PDE1C: variants seen among roughly 807,000 people sequenced by gnomAD.
PDE1C encodes dual specificity calcium/calmodulin-dependent 3',5'-cyclic nucleotide phosphodiesterase 1C.
A neutral mutation model predicts 93.1 loss-of-function variants in PDE1C; 62 were observed. The ratio of observed to expected loss-of-function variants is 0.67; its 90% CI spans 0.54 to 0.82. The LOEUF (loss-of-function observed/expected upper bound fraction) is 0.82. PDE1C is among the 40% of genes least tolerant of loss of function. The probability of loss-of-function intolerance (pLI) is 0.00; values close to 1 mark genes in which losing one functional copy is unlikely to be tolerated. For synonymous variants in PDE1C, 325 were observed against 310.1 expected (o/e 1.05, Z -0.50); for missense variants, 742 against 884.6 (o/e 0.84, Z 2.04).
At chr7:32,235,573 T>C (rs569992473) in intron 1 of PDE1C, among the ~76,000 whole-genome samples, 1 of 152,074 alleles carries the variant, frequency 6.6e-6, no homozygotes, top group East Asian at 1.9e-4. Flanking sequence ...TCCCTCCCCA[T>C]GAAATACATA....
chr7:32,341,123 A>G, intron 1 of PDE1C, among the ~76,000 whole-genome samples: 1 of 150,554 alleles, frequency 6.6e-6, no homozygotes, highest in East Asian at 2.0e-4. Flanking sequence ...GGGACTCTGT[A>G]CTTTCTACTC....
chr7:32,066,059 G>A (rs1028560015), intron 1 of PDE1C, among the ~76,000 whole-genome samples: 2 of 152,186 alleles, frequency 1.3e-5, no homozygotes, highest in African/African-American at 4.8e-5. Context: ...TATGAGGTGG[G>A]AAATGGATCC....
At chr7:31,877,458 T>A (rs922345393) in intron 5 of PDE1C, among the ~76,000 whole-genome samples, 6 of 152,084 alleles carry the variant, frequency 3.9e-5, no homozygotes, top group African/African-American at 9.7e-5. Flanking sequence ...CATACGTTCA[T>A]GCAGTAAAAC....
chr7:31,658,366 A>G, the PDE1C span: 3 of 1,518,514 alleles, frequency 2.0e-6, no homozygotes, highest in Non-Finnish European at 2.6e-6. Flanking sequence ...AGACTTTCTG[A>G]AGACACAAGA....
intron 15 of PDE1C, among the ~76,000 whole-genome samples, chr7:31,815,328 A>C (rs1195850010): frequency 1.3e-5 from 2 of 152,096 alleles, no homozygotes; most frequent in Non-Finnish European, 2.9e-5. Flanking sequence ...CGTAGTTGTT[A>C]ATCGATATTT....
intron 17 of PDE1C, among the ~76,000 whole-genome samples, chr7:31,760,022 G>A (rs1794731201): frequency 6.6e-6 from 1 of 152,044 alleles, no homozygotes; most frequent in South Asian, 2.1e-4. Flanking sequence ...ATCAAATACA[G>A]CTATTAGGAT....
chr7:31,713,443 G>T, the PDE1C span, among the ~76,000 whole-genome samples: 2 of 152,214 alleles, frequency 1.3e-5, no homozygotes, highest in Admixed American at 6.5e-5. Flanking sequence ...ACAGTCTGGC[G>T]TCGAGTGTCT....
At chr7:31,938,216 G>A (rs1178646202) in intron 2 of PDE1C, among the ~76,000 whole-genome samples, 2 of 151,494 alleles carry the variant, frequency 1.3e-5, no homozygotes, top group Admixed American at 1.3e-4. Context: ...GAAGATGGAT[G>A]CATTTCTGAT....
rs370579558 is a variant in PDE1C at position 31,832,931 on chromosome 7, C to A, written c.1203+4249G>T. Among the ~76,000 whole-genome samples, 19 of 152,230 alleles carry A rather than the reference C, an allele frequency of 1.2e-4. No homozygotes were observed. The South Asian group carries it at 3.3e-3, about 27-fold the overall frequency. ...ATGAGTTAGCTATTATCTATCCTTTCGCCATGGACCAAATACTCCTAGCTG... is the reference window on the plus strand; with the variant it reads ...ATGAGTTAGCTATTATCTATCCTTTAGCCATGGACCAAATACTCCTAGCTG... On this transcript the variant is annotated intron_variant, in intron 11 of 17. Coordinates refer to ENST00000396191, the MANE Select transcript of PDE1C (RefSeq NM_001191057.4).
chr7:32,070,457 C>T, upstream of PDE1C: 2 of 1,589,082 alleles, frequency 1.3e-6, no homozygotes, highest in South Asian at 1.1e-5. Flanking sequence ...CTCCCCGTCT[C>T]CTCGCCCAGC....
chr7:32,308,219 A>G (rs1377148705), intron 1 of PDE1C, among the ~76,000 whole-genome samples: 2 of 152,230 alleles, frequency 1.3e-5, no homozygotes, highest in Non-Finnish European at 2.9e-5. Flanking sequence ...TGATTAGGTA[A>G]ACAAAGCAGC....
At chr7:32,063,940 C>T (rs1272219617) in intron 1 of PDE1C, among the ~76,000 whole-genome samples, 9 of 152,196 alleles carry the variant, frequency 5.9e-5, no homozygotes, top group South Asian at 4.1e-4. Context: ...CTGATATTTT[C>T]GTATCCCTTC....
chr7:32,119,716 G>T (rs185362816), intron 3 of PDE1C, among the ~76,000 whole-genome samples: 52 of 152,238 alleles, frequency 3.4e-4, no homozygotes, highest in African/African-American at 1.2e-3. Flanking sequence ...CCTAGCCAAG[G>T]CCGGCGGTGA....
At chr7:31,662,854 T>G in the PDE1C span, among the ~76,000 whole-genome samples, 1 of 152,198 alleles carries the variant, frequency 6.6e-6, no homozygotes, top group Non-Finnish European at 1.5e-5. Context: ...ATTTCTTTTC[T>G]CTAATATTTA....
chr7:32,319,526 C>G (rs1310117130), intron 1 of PDE1C, among the ~76,000 whole-genome samples: 1 of 152,254 alleles, frequency 6.6e-6, no homozygotes, highest in Admixed American at 6.5e-5. Context: ...ACACATGTTC[C>G]TGCATCCTGA....
intron 1 of PDE1C, among the ~76,000 whole-genome samples, chr7:32,324,981 A>AC (rs1783377656): frequency 6.6e-6 from 1 of 152,088 alleles, no homozygotes. Context: ...ACTCTGTGAA[A>AC]CTCCAAGATA....
chr7:31,800,805 T>C (rs779149618), intron 16 of PDE1C, among the ~76,000 whole-genome samples: 1 of 151,482 alleles, frequency 6.6e-6, no homozygotes, highest in Non-Finnish European at 1.5e-5. Context: ...GAGATTGTAT[T>C]GAACCTATAG....
chr7:32,026,048 A>G (rs563461374), intron 2 of PDE1C, among the ~76,000 whole-genome samples: 1 of 152,144 alleles, frequency 6.6e-6, no homozygotes, highest in South Asian at 2.1e-4. Context: ...TCCACACCTC[A>G]CACACAAGCG....
At chr7:31,881,572 A>G (rs1190343544) in intron 2 of PDE1C, among the ~76,000 whole-genome samples, 1 of 152,230 alleles carries the variant, frequency 6.6e-6, no homozygotes, top group Non-Finnish European at 1.5e-5. Flanking sequence ...CAGATGATCA[A>G]CATGCGGTAA....
Sources: allele counts gnomAD v4.1 joint callset (sites outside exome capture counted in the v4.1 genomes callset), GRCh38; gene constraint gnomAD v4.1.1; transcripts MANE v1.5; gene names NCBI Gene and HGNC (gene_info 2026-07-23, HGNC 2026-07-21).